The following LRIF1 variants were observed in gnomAD, a reference collection of about 807,000 sequenced individuals.
The protein encoded by LRIF1 is ligand-dependent nuclear receptor-interacting factor 1.
A neutral mutation model predicts 52.7 loss-of-function variants in LRIF1; 32 were observed. The ratio of observed to expected loss-of-function variants is 0.61; its 90% CI spans 0.46 to 0.82. LRIF1 has a LOEUF of 0.82. Ranked by LOEUF, LRIF1 falls within the 40% of genes least tolerant of loss-of-function variation. The probability of loss-of-function intolerance (pLI) is 0.00; values close to 1 mark genes in which losing one functional copy is unlikely to be tolerated. For synonymous variants in LRIF1, 323 were observed against 317.4 expected, an observed-to-expected ratio of 1.02 and a Z score of -0.19; for missense variants, 887 against 892.0, an observed-to-expected ratio of 0.99 and a Z score of 0.07.
At chr1:110,929,388 A>G in the LRIF1 span, among the ~76,000 whole-genome samples, 1 of 152,224 alleles carries the variant, frequency 6.6e-6, no homozygotes, top group Non-Finnish European at 1.5e-5. Context: ...CCAACAGTGT[A>G]TAAGCATTGC....
At chr1:110,899,054 C>T in the LRIF1 span, 1 of 1,173,316 alleles carries the variant, frequency 8.5e-7, no homozygotes, top group Non-Finnish European at 1.3e-6. Context: ...TCTCAGAGGC[C>T]AATCCCAGGC....
At chr1:110,953,362 G>A (rs886611727) in intron 1 of LRIF1, among the ~76,000 whole-genome samples, 1 of 152,116 alleles carries the variant, frequency 6.6e-6, no homozygotes, top group African/African-American at 2.4e-5. Flanking sequence ...AGATTTCACT[G>A]AACTGTTTAC....
rs1223820087 is a variant in LRIF1, at chr1:110,952,762, T to G, written c.122A>C (p.Asn41Thr). ...VVQTIGSDGK[N>T]LLQLLPIPKS... ...AGGAATTGGAAGTAATTGCAGAAGA[T>G]TTTTTCCATCCGAGCCAATCGTCTG... is the stretch of plus-strand genomic sequence containing the variant. The change falls in exon 2 of 4, where the codon AAT becomes ACT. Residue 41 changes from asparagine to threonine, a missense_variant. By Grantham distance (65) the Asn-to-Thr change is moderately conservative. Coordinates refer to ENST00000369763, the MANE Select transcript of LRIF1 (RefSeq NM_018372.4). The G allele has an allele frequency of 1.2e-6, 2 of 1,613,018 alleles. No individual in the cohort carries two copies. The highest frequency in any genetic ancestry group is 1.7e-5 in the Admixed American group (1 of 59,966).
In LRIF1 at chr1:110,948,078, C is replaced by G; in HGVS notation, c.2191G>C (p.Val731Leu). 3 of 1,614,032 alleles carry G rather than the reference C, an allele frequency of 1.9e-6. No individual in the cohort carries two copies. Among genetic ancestry groups the G allele is most frequent in the Non-Finnish European group, 2.5e-6 (3 of 1,179,992 alleles). Residue 731 changes from valine to leucine, a missense_variant, in exon 4 of 4, where the codon GTG becomes CTG. Transcript: ENST00000369763. The part of the protein sequence containing the change: ...NKNYTEDIFP[V>L]TPPELEETIR... The stretch of plus-strand genomic sequence containing the variant: ...GTTTCTTCTAACTCCGGTGGTGTCA[C>G]TGGGAAAATATCTTCGGTATAATTT...
intron 1 of LRIF1, among the ~76,000 whole-genome samples, chr1:110,954,726 A>T (rs1362860413): frequency 6.6e-6 from 1 of 152,196 alleles, no homozygotes; most frequent in African/African-American, 2.4e-5. Flanking sequence ...TCATCAGGAA[A>T]AAAGGGTCAG....
In LRIF1 at chr1:110,948,288, T is replaced by C; in HGVS notation, c.1981A>G (p.Thr661Ala). 6.2e-7 allele frequency: 1 copy of C among 1,614,130 alleles called. No homozygotes were observed. The highest frequency in any genetic ancestry group is 1.1e-5 in the South Asian group (1 of 91,082). The part of the protein sequence containing the change: ...NAIINGEANV[T>A]GSQLLSSILP... ...ATACTGCTTAGGAGTTGGGAACCGGTGACATTAGCTTCCCCATTTATGATT... is the reference window on the plus strand; with the variant it reads ...ATACTGCTTAGGAGTTGGGAACCGGCGACATTAGCTTCCCCATTTATGATT... Residue 661 changes from threonine (T) to alanine (A), a missense_variant, in exon 4 of 4, where the codon ACC becomes GCC. Coordinates refer to ENST00000369763, the MANE Select transcript of LRIF1 (RefSeq NM_018372.4).
At chr1:110,923,466 AG>A in the LRIF1 span, among the ~76,000 whole-genome samples, 2,960 of 152,280 alleles carry the variant, frequency 0.019, 37 homozygotes, top group South Asian at 0.038. Context: ...ATCATGTGCA[AG>A]GGTCATAAAT....
chr1:110,959,021 T>C (rs1171991051), intron 1 of LRIF1, among the ~76,000 whole-genome samples: 1 of 152,154 alleles, frequency 6.6e-6, no homozygotes, highest in Non-Finnish European at 1.5e-5. Flanking sequence ...ATTAAATAAT[T>C]AAAGTCCTAC....
chr1:110,885,461 CG>C, the LRIF1 span, among the ~76,000 whole-genome samples: 1 of 152,154 alleles, frequency 6.6e-6, no homozygotes, highest in Middle Eastern at 3.4e-3. Context: ...TGGCGTGAAC[CG>C]GGGAGGCGGA....
chr1:110,885,401 G>A, the LRIF1 span, among the ~76,000 whole-genome samples: 3 of 152,274 alleles, frequency 2.0e-5, no homozygotes, highest in African/African-American at 7.2e-5. Flanking sequence ...AGCTGGACGT[G>A]GTGGCAGGCG....
At chr1:110,917,045 T>C in the LRIF1 span, among the ~76,000 whole-genome samples, 5 of 152,202 alleles carry the variant, frequency 3.3e-5, no homozygotes, top group African/African-American at 1.2e-4. Flanking sequence ...GTCACCATAT[T>C]TGCTGACTCA....
the LRIF1 span, among the ~76,000 whole-genome samples, chr1:110,909,788 T>C: frequency 5.3e-5 from 8 of 151,712 alleles, no homozygotes; most frequent in African/African-American, 1.9e-4. Flanking sequence ...TCCATGTTGG[T>C]CAGGCTGGTC....
chr1:110,906,362 T>C, the LRIF1 span, among the ~76,000 whole-genome samples: 1 of 152,082 alleles, frequency 6.6e-6, no homozygotes, highest in East Asian at 1.9e-4. Flanking sequence ...CTAGTCAACA[T>C]AGCGAGACCC....
At chr1:110,908,621 G>C in the LRIF1 span, among the ~76,000 whole-genome samples, 4 of 152,024 alleles carry the variant, frequency 2.6e-5, no homozygotes, top group African/African-American at 9.7e-5. Context: ...TATCAGAATA[G>C]ACCAAGCTAA....
the LRIF1 span, chr1:110,896,826 A>G: frequency 4.8e-6 from 5 of 1,049,964 alleles, no homozygotes; most frequent in African/African-American, 4.8e-5. Flanking sequence ...TAGACCTTCT[A>G]TTGAGAAACA....
chr1:110,879,902 A>C, the LRIF1 span, among the ~76,000 whole-genome samples: 1 of 152,042 alleles, frequency 6.6e-6, no homozygotes, highest in Non-Finnish European at 1.5e-5. Flanking sequence ...TCCAACCTTA[A>C]CCACTTCTAA....
chr1:110,920,468 A>G, the LRIF1 span, among the ~76,000 whole-genome samples: 1 of 152,234 alleles, frequency 6.6e-6, no homozygotes, highest in African/African-American at 2.4e-5. Flanking sequence ...GCTATGAGAC[A>G]TTCTGGAAAA....
the LRIF1 span, among the ~76,000 whole-genome samples, chr1:110,889,730 G>GAAGA: frequency 3.3e-5 from 5 of 152,080 alleles, no homozygotes; most frequent in Non-Finnish European, 5.9e-5. Flanking sequence ...ATTGTGACTG[G>GAAGA]AACTGTTAAG....
chr1:110,918,349 A>G, the LRIF1 span, among the ~76,000 whole-genome samples: 81,627 of 151,946 alleles, frequency 0.54, 22,596 homozygotes, highest in East Asian at 0.7. Flanking sequence ...TAATATTGTT[A>G]TTACTCATAG....
Sources: allele counts gnomAD v4.1 joint callset (sites outside exome capture counted in the v4.1 genomes callset), GRCh38; gene constraint gnomAD v4.1.1; transcripts MANE v1.5; gene names NCBI Gene and HGNC (gene_info 2026-07-23, HGNC 2026-07-21).